Variants in PRKCE observed in about 807,000 individuals in gnomAD.
The protein encoded by PRKCE is protein kinase C epsilon type.
Under a neutral mutation model 85.4 loss-of-function variants are expected in PRKCE, and 16 were observed. The ratio of observed to expected loss-of-function variants is 0.19; its 90% CI spans 0.13 to 0.28. The LOEUF (loss-of-function observed/expected upper bound fraction) is 0.28. Ranked by LOEUF, PRKCE falls within the 10% of genes least tolerant of loss-of-function variation. PRKCE has a pLI of 1.00. For missense variants in PRKCE, 573 were observed against 975.2 expected (o/e 0.59, Z 5.49); for synonymous variants, 388 against 371.5 (o/e 1.04, Z -0.51).
intron 1 of PRKCE, among the ~76,000 whole-genome samples, chr2:45,668,786 A>G (rs1676027966): frequency 6.6e-6 from 1 of 152,166 alleles, no homozygotes; most frequent in Admixed American, 6.5e-5. Context: ...TGTGAGACTC[A>G]TTTAATATGC....
intron 10 of PRKCE, among the ~76,000 whole-genome samples, chr2:46,050,308 C>G (rs1360152471): frequency 6.6e-6 from 1 of 152,248 alleles, no homozygotes; most frequent in Non-Finnish European, 1.5e-5. Flanking sequence ...TCCTTCTAAT[C>G]CCTGAGCCGT....
intron 14 of PRKCE, among the ~76,000 whole-genome samples, chr2:46,160,812 C>A (rs1042108040): frequency 3.3e-5 from 5 of 152,106 alleles, no homozygotes; most frequent in African/African-American, 1.2e-4. Flanking sequence ...TCTGGGGAGC[C>A]GTTATTGACA....
chr2:46,023,138 A>T (rs1472162198), intron 10 of PRKCE, among the ~76,000 whole-genome samples: 11 of 147,616 alleles, frequency 7.5e-5, no homozygotes, highest in Non-Finnish European at 3.0e-5. Flanking sequence ...TCCCAAGCTG[A>T]CTTGAGAGCT....
intron 11 of PRKCE, among the ~76,000 whole-genome samples, chr2:46,125,722 C>T (rs952824057): frequency 6.6e-6 from 1 of 152,182 alleles, no homozygotes; most frequent in African/African-American, 2.4e-5. Flanking sequence ...TATATACAGA[C>T]ACTTAGTAGG....
intron 10 of PRKCE, among the ~76,000 whole-genome samples, chr2:46,031,019 G>A (rs546937513): frequency 6.0e-4 from 92 of 152,322 alleles, no homozygotes; most frequent in African/African-American, 2.2e-3. Context: ...GATGTACCAT[G>A]CTCTATGTGA....
chr2:45,768,846 T>A (rs1354036787), intron 1 of PRKCE, among the ~76,000 whole-genome samples: 1 of 152,240 alleles, frequency 6.6e-6, no homozygotes, highest in Non-Finnish European at 1.5e-5. Flanking sequence ...TATATCCAAA[T>A]GTTGTGTCTC....
At position 46,138,200 on chromosome 2, in the gene PRKCE, G is replaced by T. The variant is rs1675182651; in HGVS notation, c.1593-6893G>T. Among the ~76,000 whole-genome samples, 1 of 152,134 alleles carries T rather than the reference G, an allele frequency of 6.6e-6. No individual in the cohort carries two copies. Among genetic ancestry groups the T allele is most frequent in the African/African-American group, 2.4e-5 (1 of 41,432 alleles). ...CATTGTGCCATCCTGCCTTGAAGTG[G>T]GTCTGCCCTGGTAGAGTCTGTGATC... is the stretch of plus-strand genomic sequence containing the variant. On this transcript the variant is annotated intron_variant, in intron 11 of 14. Coordinates refer to ENST00000306156, the MANE Select transcript of PRKCE (RefSeq NM_005400.3). The surrounding 1 kb of genome is among the most constrained non-coding windows in gnomAD (Gnocchi z 4.2).
chr2:46,187,154 T>G lies in PRKCE; in HGVS notation c.*2273T>G, dbSNP rs1383353665. 1.3e-5 allele frequency: 2 copies of G among 152,630 alleles called. No individual in the cohort carries two copies. Among genetic ancestry groups the G allele is most frequent in the Non-Finnish European group, 2.9e-5 (2 of 68,018 alleles). The allele number at this position is 152,630 out of a possible 1,614,324, so 9.5% of individuals were successfully genotyped here. ...TCTGCTTTCTTCACCATAATAAACT[T>G]TGGACAACCAAGCAAGCTCTAACCG... On this transcript the variant is annotated 3_prime_UTR_variant, in exon 15 of 15. Transcript: ENST00000306156.
At chr2:45,898,488 C>T (rs1230720319) in intron 2 of PRKCE, among the ~76,000 whole-genome samples, 3 of 152,198 alleles carry the variant, frequency 2.0e-5, no homozygotes, top group Admixed American at 6.5e-5. Context: ...TCAGAGAGGA[C>T]TGGGTCGCTG....
chr2:45,867,740 TG>T (rs1423248938), intron 2 of PRKCE, among the ~76,000 whole-genome samples: 2 of 152,368 alleles, frequency 1.3e-5, no homozygotes, highest in East Asian at 3.9e-4. Context: ...AGTGTGTGTG[TG>T]TGCACGTGTG....
chr2:45,925,454 C>G (rs940630299), intron 2 of PRKCE, among the ~76,000 whole-genome samples: 1 of 152,098 alleles, frequency 6.6e-6, no homozygotes, highest in Non-Finnish European at 1.5e-5. Flanking sequence ...CACCACCACG[C>G]CCAGCTAACT....
At chr2:46,087,516 G>T (rs1020667507) in intron 11 of PRKCE, among the ~76,000 whole-genome samples, 15 of 152,154 alleles carry the variant, frequency 9.9e-5, no homozygotes, top group Non-Finnish European at 1.5e-5. Flanking sequence ...CCTTCCTTCT[G>T]CCATCTCTTA....
intron 14 of PRKCE, among the ~76,000 whole-genome samples, chr2:46,175,929 T>C (rs1022652418): frequency 3.2e-4 from 48 of 152,082 alleles, no homozygotes; most frequent in African/African-American, 7.5e-4. Context: ...ACGGCCTTTA[T>C]ATGGAGGGAC....
intron 11 of PRKCE, among the ~76,000 whole-genome samples, chr2:46,128,449 G>GTT (rs1308544862): frequency 3.3e-5 from 5 of 152,314 alleles, no homozygotes; most frequent in African/African-American, 1.2e-4. Flanking sequence ...TTTGAAATGA[G>GTT]TACTGTTATC....
intron 1 of PRKCE, among the ~76,000 whole-genome samples, chr2:45,734,722 C>A (rs1429294358): frequency 6.6e-6 from 1 of 152,000 alleles, no homozygotes; most frequent in East Asian, 1.9e-4. Flanking sequence ...CCCTGCAGGC[C>A]TGAAGTACTC....
At chr2:45,739,562 T>C (rs1682374652) in intron 1 of PRKCE, among the ~76,000 whole-genome samples, 1 of 152,032 alleles carries the variant, frequency 6.6e-6, no homozygotes, top group African/African-American at 2.4e-5. Flanking sequence ...GACGTTTATA[T>C]AAAAAAAATT....
intron 2 of PRKCE, among the ~76,000 whole-genome samples, chr2:45,916,341 G>A (rs1697776555): frequency 6.6e-6 from 1 of 150,754 alleles, no homozygotes; most frequent in Admixed American, 6.6e-5. Flanking sequence ...CTTATCTCAA[G>A]CAATCATCCC....
chr2:45,956,854 A>G (rs1024693317), intron 2 of PRKCE, among the ~76,000 whole-genome samples: 1 of 152,234 alleles, frequency 6.6e-6, no homozygotes, highest in Non-Finnish European at 1.5e-5. Flanking sequence ...TAATAGATAT[A>G]TAGTGGTATT....
intron 1 of PRKCE, among the ~76,000 whole-genome samples, chr2:45,690,442 G>A (rs1266083400): frequency 6.6e-6 from 1 of 152,158 alleles, no homozygotes; most frequent in African/African-American, 2.4e-5. Flanking sequence ...AGAGGCAGGG[G>A]GCGAAGGAAG....
Sources: allele counts gnomAD v4.1 joint callset (sites outside exome capture counted in the v4.1 genomes callset), GRCh38; gene constraint gnomAD v4.1.1; non-coding constraint Gnocchi (gnomAD v3.1); transcripts MANE v1.5; gene names NCBI Gene and HGNC (gene_info 2026-07-23, HGNC 2026-07-21).